PCDHA9: variants seen among roughly 807,000 people sequenced by gnomAD.
PCDHA9 encodes the protein protocadherin alpha 9.
In PCDHA9, 62 loss-of-function variants were observed where a neutral mutation model predicts 62.0. The observed-to-expected ratio is 1.00, with a 90% confidence interval of 0.81 to 1.23. The LOEUF (loss-of-function observed/expected upper bound fraction) is 1.23. Ranked by LOEUF, PCDHA9 falls within the 50% of genes most tolerant of loss-of-function variation. The probability of loss-of-function intolerance (pLI) is 0.00; values close to 1 mark genes in which losing one functional copy is unlikely to be tolerated. For missense variants in PCDHA9, 1,205 were observed against 1,249.8 expected, an observed-to-expected ratio of 0.96 and a Z score of 0.54; for synonymous variants, 557 against 567.6, an observed-to-expected ratio of 0.98 and a Z score of 0.27.
At chr5:140,936,212 A>C (rs1294255399) in intron 1 of PCDHA9, among the ~76,000 whole-genome samples, 1 of 152,126 alleles carries the variant, frequency 6.6e-6, no homozygotes, top group African/African-American at 2.4e-5. Context: ...TTTTTTATTT[A>C]GTATTCTTTC....
chr5:140,861,426 T>G (rs1451953787), intron 1 of PCDHA9: 8 of 485,290 alleles, frequency 1.6e-5, no homozygotes, highest in South Asian at 1.1e-4. Flanking sequence ...CCTGTTTCAG[T>G]TGGATTCCAA....
In PCDHA9 at chr5:140,870,881, T is replaced by C. The variant is rs782030647; in HGVS notation, c.2394+19992T>C. 3.7e-6 allele frequency: 6 copies of C among 1,613,870 alleles called. No individual in the cohort carries two copies. The South Asian group carries it at 5.5e-5, about 15-fold the overall frequency. On this transcript the variant is annotated intron_variant, in intron 1 of 3. Transcript: ENST00000532602. ...GGTGCGGGCCACGTGGTGGCGAAGG[T>C]GCGCGCAGTGGATGCGGACTCAGGC...
chr5:140,927,362 G>A, intron 1 of PCDHA9: 1 of 1,614,030 alleles, frequency 6.2e-7, no homozygotes, highest in Non-Finnish European at 8.5e-7. Context: ...GGAAGCAATG[G>A]GATACTAAGC....
At chr5:140,958,844 G>A (rs533464436) in intron 1 of PCDHA9, among the ~76,000 whole-genome samples, 81 of 152,122 alleles carry the variant, frequency 5.3e-4, no homozygotes, top group African/African-American at 1.9e-3. Context: ...TATCATTCCA[G>A]TGTCTTTGGT....
At chr5:140,884,503 AGGGAGTT>A (rs782338567) in intron 1 of PCDHA9, 2 of 1,613,940 alleles carry the variant, frequency 1.2e-6, no homozygotes, top group Non-Finnish European at 1.7e-6. Context: ...CCAGCGCGGC[AGGGAGTT>A]GGTCGTACTC....
chr5:140,854,990 G>A (rs2043295354), intron 1 of PCDHA9, among the ~76,000 whole-genome samples: 1 of 149,498 alleles, frequency 6.7e-6, no homozygotes, highest in African/African-American at 2.5e-5. Context: ...GATTCTTTTT[G>A]CCCGTGTAAG....
At chr5:140,920,889 T>G (rs1488579126) in intron 1 of PCDHA9, among the ~76,000 whole-genome samples, 2 of 150,044 alleles carry the variant, frequency 1.3e-5, no homozygotes, top group African/African-American at 4.9e-5. Context: ...GAACTTAAAG[T>G]CATATTTTGG....
intron 1 of PCDHA9, among the ~76,000 whole-genome samples, chr5:140,965,009 T>C (rs2153742434): frequency 6.6e-6 from 1 of 152,248 alleles, no homozygotes; most frequent in South Asian, 2.1e-4. Context: ...GGTGTCAGGA[T>C]CACAACCTTG....
At chr5:140,913,503 T>G (rs1334607884) in intron 1 of PCDHA9, among the ~76,000 whole-genome samples, 6 of 152,182 alleles carry the variant, frequency 3.9e-5, no homozygotes, top group African/African-American at 1.4e-4. Context: ...GTTTAAAACT[T>G]TGTCAATTTT....
chr5:140,912,744 T>A (rs944833912), intron 1 of PCDHA9, among the ~76,000 whole-genome samples: 1 of 152,188 alleles, frequency 6.6e-6, no homozygotes, highest in Non-Finnish European at 1.5e-5. Context: ...TGTGGGTCTG[T>A]CATAGATGGC....
chr5:141,000,371 CT>C (rs2153963893), intron 3 of PCDHA9, among the ~76,000 whole-genome samples: 1 of 49,262 alleles, frequency 2.0e-5, no homozygotes, highest in East Asian at 6.6e-4. Context: ...GTCTCTCTCT[CT>C]CTCTCTCTCT....
chr5:140,857,419 C>G, intron 1 of PCDHA9: 3 of 1,598,332 alleles, frequency 1.9e-6, no homozygotes, highest in Non-Finnish European at 2.6e-6. Context: ...TCGCGCAGTC[C>G]GAGTACACGG....
At chr5:140,981,207 T>C (rs1163326728) in intron 2 of PCDHA9, among the ~76,000 whole-genome samples, 1 of 152,230 alleles carries the variant, frequency 6.6e-6, no homozygotes, top group Non-Finnish European at 1.5e-5. Context: ...TTGCCTCATA[T>C]AACCCCTTTA....
chr5:140,920,387 A>G (rs1163833842), intron 1 of PCDHA9, among the ~76,000 whole-genome samples: 3 of 152,098 alleles, frequency 2.0e-5, no homozygotes, highest in African/African-American at 7.2e-5. Context: ...TCATATTACC[A>G]TCTGGTGTCT....
intron 1 of PCDHA9, among the ~76,000 whole-genome samples, chr5:140,879,706 A>T (rs2058090742): frequency 6.6e-6 from 1 of 152,246 alleles, no homozygotes; most frequent in African/African-American, 2.4e-5. Context: ...ATTATTTCTC[A>T]GTATTGGAGA....
rs782239316 is a variant in PCDHA9 at position 140,877,376 on chromosome 5, G to T, written c.2394+26487G>T. 6.2e-6 allele frequency: 10 copies of T among 1,613,896 alleles called. No individual in the cohort carries two copies. The South Asian group carries it at 6.6e-5, about 11-fold the overall frequency. On this transcript the variant is annotated intron_variant, in intron 1 of 3. Transcript: ENST00000532602. The stretch of plus-strand genomic sequence containing the variant: ...TACACTGGCGAGATCAGCACGACAC[G>T]CATCCTGGATGAGGCGGACGCTCCG...
At chr5:140,923,299 G>A (rs921157994) in intron 1 of PCDHA9, among the ~76,000 whole-genome samples, 17 of 152,330 alleles carry the variant, frequency 1.1e-4, no homozygotes, top group Middle Eastern at 3.4e-3. Context: ...TTAGCTGGGC[G>A]TGGGGGCGCT....
intron 1 of PCDHA9, chr5:140,884,397 T>C: frequency 6.2e-7 from 1 of 1,613,992 alleles, no homozygotes; most frequent in South Asian, 1.1e-5. Flanking sequence ...GTGTCCAGCC[T>C]GTTGGTGCTC....
chr5:140,905,130 GT>G (rs1448449678), intron 1 of PCDHA9, among the ~76,000 whole-genome samples: 11 of 152,178 alleles, frequency 7.2e-5, no homozygotes, highest in African/African-American at 2.7e-4. Flanking sequence ...GTCTAGAAGA[GT>G]TTTTCTGCTG....
Sources: gnomAD v4.1 joint callset for allele counts (sites outside exome capture counted in the v4.1 genomes callset) on GRCh38, gnomAD v4.1.1 for gene constraint, MANE v1.5 for transcripts, NCBI Gene and HGNC (gene_info 2026-07-23, HGNC 2026-07-21) for gene names.